KCNH7: variants seen among roughly 807,000 people sequenced by gnomAD.
KCNH7 encodes the protein potassium voltage-gated channel subfamily H member 7.
A neutral mutation model predicts 120.8 loss-of-function variants in KCNH7; 49 were observed. The observed-to-expected ratio is 0.41, with a 90% confidence interval of 0.32 to 0.51. The LOEUF is 0.51. KCNH7 is among the 20% of genes least tolerant of loss of function. The pLI, the probability that KCNH7 is intolerant of heterozygous loss-of-function variation, is 0.38. For synonymous variants in KCNH7, 547 were observed against 516.1 expected, an observed-to-expected ratio of 1.06 and a Z score of -0.81; for missense variants, 1,097 against 1,446.6, an observed-to-expected ratio of 0.76 and a Z score of 3.92.
intron 2 of KCNH7, among the ~76,000 whole-genome samples, chr2:162,544,211 G>C (rs915341586): frequency 6.6e-6 from 1 of 152,096 alleles, no homozygotes; most frequent in African/African-American, 2.4e-5. Flanking sequence ...TGTGCTCCGG[G>C]TAATGTATAT....
intron 2 of KCNH7, among the ~76,000 whole-genome samples, chr2:162,542,926 T>C (rs573059596): frequency 6.6e-6 from 1 of 152,230 alleles, no homozygotes; most frequent in East Asian, 1.9e-4. Flanking sequence ...TTTCCTGACT[T>C]TTTAATGATT....
At chr2:162,464,056 A>T (rs1689235082) in intron 6 of KCNH7, among the ~76,000 whole-genome samples, 1 of 151,862 alleles carries the variant, frequency 6.6e-6, no homozygotes, top group Non-Finnish European at 1.5e-5. Context: ...TTGTTAACCA[A>T]CTATCAACCA....
chr2:162,590,775 T>C (rs1462007939), intron 2 of KCNH7, among the ~76,000 whole-genome samples: 3 of 152,100 alleles, frequency 2.0e-5, no homozygotes, highest in Non-Finnish European at 4.4e-5. Flanking sequence ...TGGGTGACTG[T>C]AATAGTCTCC....
intron 2 of KCNH7, among the ~76,000 whole-genome samples, chr2:162,738,026 T>C (rs370959775): frequency 7.5e-6 from 1 of 133,592 alleles, no homozygotes; most frequent in East Asian, 2.3e-4. Context: ...ATCACACCAC[T>C]GCACTCCAGC....
chr2:162,704,635 T>C (rs1471316997), intron 2 of KCNH7, among the ~76,000 whole-genome samples: 1 of 152,190 alleles, frequency 6.6e-6, no homozygotes, highest in Non-Finnish European at 1.5e-5. Context: ...GAAGATACAA[T>C]ACAAAAAGAA....
At chr2:162,533,064 C>T (rs1002670867) in intron 3 of KCNH7, among the ~76,000 whole-genome samples, 5 of 151,318 alleles carry the variant, frequency 3.3e-5, no homozygotes, top group Non-Finnish European at 7.4e-5. Flanking sequence ...TATTTTTGCT[C>T]AAAATAGGGA....
chr2:162,713,300 G>T (rs1574296505), intron 2 of KCNH7, among the ~76,000 whole-genome samples: 1 of 152,320 alleles, frequency 6.6e-6, no homozygotes, highest in South Asian at 2.1e-4. Flanking sequence ...CTGAGACAAA[G>T]AAGTGTTAAG....
chr2:162,558,618 G>GGAAAACTTTTA (rs1692946317), intron 2 of KCNH7, among the ~76,000 whole-genome samples: 1 of 147,400 alleles, frequency 6.8e-6, no homozygotes, highest in African/African-American at 2.5e-5. Flanking sequence ...TAAGTTACAT[G>GGAAAACTTTTA]ACCTTTTAAC....
At chr2:162,455,981 T>C (rs928442336) in intron 6 of KCNH7, among the ~76,000 whole-genome samples, 4 of 152,146 alleles carry the variant, frequency 2.6e-5, no homozygotes, top group Non-Finnish European at 5.9e-5. Context: ...TCTGCTAGCT[T>C]TTGAATTTGT....
intron 3 of KCNH7, among the ~76,000 whole-genome samples, chr2:162,518,790 A>T (rs1157833662): frequency 6.9e-6 from 1 of 145,980 alleles, no homozygotes; most frequent in African/African-American, 2.5e-5. Flanking sequence ...ACTGGTAAAG[A>T]TTTCTTTTTC....
intron 4 of KCNH7, among the ~76,000 whole-genome samples, chr2:162,516,564 T>G (rs1691304975): frequency 6.6e-6 from 1 of 151,710 alleles, no homozygotes. Context: ...GCTGACAAAG[T>G]GCCTAACACC....
At chr2:162,455,620 T>A (rs559569135) in intron 6 of KCNH7, among the ~76,000 whole-genome samples, 6 of 152,190 alleles carry the variant, frequency 3.9e-5, no homozygotes, top group Non-Finnish European at 8.8e-5. Context: ...TCAGAACTTG[T>A]TATCAGTTTA....
intron 11 of KCNH7, 125 bp downstream of exon 11, chr2:162,396,615 C>T (rs1686918562): frequency 1.6e-5 from 11 of 686,086 alleles, no homozygotes; most frequent in Admixed American, 3.1e-5. Flanking sequence ...GCCTTTCCTT[C>T]CAAATATTCA....
chr2:162,393,438 A>C (rs1463353208), intron 12 of KCNH7, among the ~76,000 whole-genome samples: 5 of 152,022 alleles, frequency 3.3e-5, no homozygotes, highest in African/African-American at 1.2e-4. Flanking sequence ...TAGAACAAGA[A>C]GAAAAAGGAG....
At chr2:162,775,237 T>C (rs985942049) in intron 2 of KCNH7, among the ~76,000 whole-genome samples, 8 of 152,234 alleles carry the variant, frequency 5.3e-5, no homozygotes, top group Non-Finnish European at 8.8e-5. Flanking sequence ...TCTGTGTTTC[T>C]TTAACAGTGA....
intron 2 of KCNH7, among the ~76,000 whole-genome samples, chr2:162,577,738 G>A (rs1052290068): frequency 3.3e-5 from 5 of 152,010 alleles, no homozygotes; most frequent in East Asian, 1.9e-4. Context: ...AAAAGACTAC[G>A]TCAACATAAA....
intron 2 of KCNH7, among the ~76,000 whole-genome samples, chr2:162,722,465 C>A (rs1687351464): frequency 6.6e-6 from 1 of 151,944 alleles, no homozygotes; most frequent in South Asian, 2.1e-4. Flanking sequence ...GTTGAGAAAT[C>A]CACTAATAGC....
chr2:162,758,527 G>A (rs554111389), intron 2 of KCNH7, among the ~76,000 whole-genome samples: 6 of 151,668 alleles, frequency 4.0e-5, no homozygotes, highest in Middle Eastern at 3.4e-3. Flanking sequence ...ATATATAAAC[G>A]TATATATATG....
intron 2 of KCNH7, among the ~76,000 whole-genome samples, chr2:162,573,747 T>G (rs1250478830): frequency 6.6e-6 from 1 of 152,062 alleles, no homozygotes; most frequent in Non-Finnish European, 1.5e-5. Context: ...TTATCCAACA[T>G]GTTGTTATGT....
Sources: allele counts gnomAD v4.1 joint callset (sites outside exome capture counted in the v4.1 genomes callset), GRCh38; gene constraint gnomAD v4.1.1; transcripts MANE v1.5; gene names NCBI Gene and HGNC (gene_info 2026-07-23, HGNC 2026-07-21).